The following MPPED1 variants were observed in gnomAD, a reference collection of about 807,000 sequenced individuals.
MPPED1 encodes metallophosphoesterase domain-containing protein 1.
Under a neutral mutation model 36.2 loss-of-function variants are expected in MPPED1, and 16 were observed. The observed-to-expected ratio is 0.44, with a 90% CI of 0.30 to 0.67. The LOEUF (loss-of-function observed/expected upper bound fraction) is 0.67, where lower values mean the gene tolerates loss of function less well. MPPED1 is among the 30% of genes least tolerant of loss of function. MPPED1 has a pLI of 0.10. For synonymous variants in MPPED1, 199 were observed against 191.3 expected (o/e 1.04, Z -0.33); for missense variants, 307 against 453.4 (o/e 0.68, Z 2.93).
chr22:43,425,359 G>T, intron 2 of MPPED1, 150 bp downstream of exon 2: 4 of 1,364,678 alleles, frequency 2.9e-6, no homozygotes, highest in Non-Finnish European at 3.9e-6. Context: ...GATCATCGGG[G>T]CTCTGAGTTG....
chr22:43,471,055 C>T (rs1364013427), intron 3 of MPPED1, among the ~76,000 whole-genome samples: 1 of 152,266 alleles, frequency 6.6e-6, no homozygotes, highest in Non-Finnish European at 1.5e-5. Flanking sequence ...AAGCCTCAGT[C>T]ATCAGCTGCT....
chr22:43,415,975 T>C (rs1929064841), intron 1 of MPPED1, among the ~76,000 whole-genome samples: 1 of 152,228 alleles, frequency 6.6e-6, no homozygotes, highest in African/African-American at 2.4e-5. Flanking sequence ...CGTTTCCCCT[T>C]CATTTCATTC....
intron 3 of MPPED1, among the ~76,000 whole-genome samples, chr22:43,448,427 A>G (rs1003939704): frequency 6.6e-6 from 1 of 152,210 alleles, no homozygotes; most frequent in African/African-American, 2.4e-5. Flanking sequence ...TGGACCACAC[A>G]TCTAGACATC....
intron 4 of MPPED1, among the ~76,000 whole-genome samples, chr22:43,489,509 T>C (rs1433443289): frequency 6.7e-6 from 1 of 149,982 alleles, no homozygotes; most frequent in Non-Finnish European, 1.5e-5. Context: ...ACTTGACTCC[T>C]CCTGTCCCCT....
At chr22:43,426,599 T>C (rs2146821838) in intron 2 of MPPED1, among the ~76,000 whole-genome samples, 1 of 152,258 alleles carries the variant, frequency 6.6e-6, no homozygotes, top group South Asian at 2.1e-4. Flanking sequence ...TTCGAAACCC[T>C]GGCCTGGTGG....
At chr22:43,432,877 G>GAAA (rs1569067568) in intron 2 of MPPED1, among the ~76,000 whole-genome samples, 2 of 10,920 alleles carry the variant, frequency 1.8e-4, no homozygotes, top group Admixed American at 2.0e-3. Context: ...GAGAGAGAGA[G>GAAA]GGAAAGAGAA....
At chr22:43,449,667 G>A (rs1930494703) in intron 3 of MPPED1, among the ~76,000 whole-genome samples, 1 of 152,150 alleles carries the variant, frequency 6.6e-6, no homozygotes, top group Non-Finnish European at 1.5e-5. Context: ...CCACACACAT[G>A]CATCAGGGGG....
At chr22:43,483,185 A>AT (rs964652765) in intron 4 of MPPED1, among the ~76,000 whole-genome samples, 5 of 152,356 alleles carry the variant, frequency 3.3e-5, no homozygotes, top group African/African-American at 1.2e-4. Context: ...AACTTGATAA[A>AT]TATATATTTT....
At chr22:43,444,306 G>C (rs1312499865) in intron 3 of MPPED1, among the ~76,000 whole-genome samples, 3 of 116,048 alleles carry the variant, frequency 2.6e-5, no homozygotes, top group African/African-American at 7.8e-5. Context: ...GTGTGTGTGT[G>C]TGTGTGTGTG....
intron 3 of MPPED1, among the ~76,000 whole-genome samples, chr22:43,455,115 C>CT (rs71284734): frequency 5.7e-5 from 7 of 122,774 alleles, no homozygotes; most frequent in African/African-American, 1.3e-4. Context: ...CCTTCATGTC[C>CT]TTTTTTTTTT....
intron 2 of MPPED1, among the ~76,000 whole-genome samples, chr22:43,434,140 G>A (rs547306885): frequency 5.9e-5 from 9 of 152,222 alleles, no homozygotes; most frequent in Non-Finnish European, 1.3e-4. Flanking sequence ...AGGCTCCTGA[G>A]GCACAAGAAC....
At chr22:43,464,769 C>T (rs899111161) in intron 3 of MPPED1, among the ~76,000 whole-genome samples, 3 of 152,234 alleles carry the variant, frequency 2.0e-5, no homozygotes, top group Non-Finnish European at 2.9e-5. Context: ...CTCTTACCCA[C>T]TCCCAGGACT....
At chr22:43,469,688 A>T (rs1055389502) in intron 3 of MPPED1, among the ~76,000 whole-genome samples, 2 of 152,186 alleles carry the variant, frequency 1.3e-5, no homozygotes, top group African/African-American at 4.8e-5. Flanking sequence ...ATTGTGGGTA[A>T]GGAGGGTGAG....
intron 1 of MPPED1, among the ~76,000 whole-genome samples, chr22:43,420,482 G>T (rs1028087750): frequency 6.6e-6 from 1 of 151,530 alleles, no homozygotes; most frequent in African/African-American, 2.4e-5. Flanking sequence ...TCGGCTGAAT[G>T]CAACCTCCAC....
intron 1 of MPPED1, among the ~76,000 whole-genome samples, chr22:43,415,355 T>A (rs959571771): frequency 2.0e-5 from 3 of 152,034 alleles, no homozygotes; most frequent in Admixed American, 2.0e-4. Flanking sequence ...TCACCATGGT[T>A]CTCCCTGGTG....
At chr22:43,465,875 C>T (rs1931151240) in intron 3 of MPPED1, among the ~76,000 whole-genome samples, 1 of 152,142 alleles carries the variant, frequency 6.6e-6, no homozygotes, top group Non-Finnish European at 1.5e-5. Flanking sequence ...GCAGGGAGTG[C>T]AGTAGCCCCT....
At chr22:43,494,422 C>G (rs1932192671) in intron 4 of MPPED1, among the ~76,000 whole-genome samples, 1 of 152,166 alleles carries the variant, frequency 6.6e-6, no homozygotes, top group Non-Finnish European at 1.5e-5. Context: ...CTGATGGTTG[C>G]TGGTGATCCT....
At chr22:43,482,400 T>C (rs1441380198) in intron 4 of MPPED1, among the ~76,000 whole-genome samples, 4 of 152,046 alleles carry the variant, frequency 2.6e-5, no homozygotes, top group African/African-American at 7.2e-5. Flanking sequence ...TTTCACTGTC[T>C]CCCGGCAGGG....
chr22:43,468,848 C>A (rs1385461414), intron 3 of MPPED1, among the ~76,000 whole-genome samples: 2 of 152,100 alleles, frequency 1.3e-5, no homozygotes, highest in East Asian at 1.9e-4. Flanking sequence ...TCAGGATAGG[C>A]TCAGTGGATG....
Sources: allele counts gnomAD v4.1 joint callset (sites outside exome capture counted in the v4.1 genomes callset), GRCh38; gene constraint gnomAD v4.1.1; transcripts MANE v1.5; gene names NCBI Gene and HGNC (gene_info 2026-07-23, HGNC 2026-07-21).